Variants in DMD observed in about 807,000 individuals in gnomAD.
DMD encodes mutant dystrophin.
DMD carries 63 observed loss-of-function variants against 330.1 expected under a neutral mutation model. That is an observed-to-expected ratio of 0.19 (90% CI 0.16 to 0.24). The LOEUF (loss-of-function observed/expected upper bound fraction) is 0.24. Among genes scored for constraint, DMD ranks in the 10% least tolerant of loss-of-function variants. The pLI, the probability that DMD is intolerant of heterozygous loss-of-function variation, is 1.00. For synonymous variants in DMD, 1,223 were observed against 959.8 expected (o/e 1.27, Z -5.07); for missense variants, 3,344 against 2,684.1 (o/e 1.25, Z -5.43).
At chrX:32,127,993 G>T (rs918265025) in intron 44 of DMD, among the ~76,000 whole-genome samples, 2 of 111,948 alleles carry the variant, frequency 1.8e-5, no homozygotes, top group Admixed American at 1.9e-4. Context: ...ATGAAACAAA[G>T]ACCATCCATT....
chrX:31,588,851 T>A (rs1200558105), intron 55 of DMD, among the ~76,000 whole-genome samples: 1 of 105,754 alleles, frequency 9.5e-6, no homozygotes, highest in African/African-American at 3.5e-5. Context: ...TATTAATCCA[T>A]TACTAGATAG....
At chrX:32,827,760 C>T (rs953816199) in intron 4 of DMD, among the ~76,000 whole-genome samples, 1 of 107,858 alleles carries the variant, frequency 9.3e-6, no homozygotes, top group African/African-American at 3.4e-5. Context: ...TCCCGAGTTT[C>T]AAGCGATTCT....
At chrX:31,529,797 T>G (rs1447912623) in intron 55 of DMD, among the ~76,000 whole-genome samples, 1 of 110,666 alleles carries the variant, frequency 9.0e-6, no homozygotes. Context: ...AAAATGCCCT[T>G]CAAAGAAAAC....
chrX:31,864,616 G>C (rs2093767851), intron 48 of DMD, among the ~76,000 whole-genome samples: 1 of 106,176 alleles, frequency 9.4e-6, no homozygotes. Flanking sequence ...CAGCCTCCCA[G>C]GTAGCTGGGA....
chrX:32,686,519 A>G (rs2147402701), intron 9 of DMD, among the ~76,000 whole-genome samples: 1 of 96,696 alleles, frequency 1.0e-5, no homozygotes, highest in Non-Finnish European at 2.0e-5. Flanking sequence ...AGATCGTGCC[A>G]GTGCACTTCA....
intron 11 of DMD, among the ~76,000 whole-genome samples, chrX:32,638,008 G>T (rs1475334276): frequency 8.9e-6 from 1 of 111,852 alleles, no homozygotes; most frequent in African/African-American, 3.3e-5. Flanking sequence ...CACATGCATT[G>T]TATTATTAGT....
At chrX:32,671,840 G>A (rs1397877202) in intron 9 of DMD, among the ~76,000 whole-genome samples, 3 of 111,652 alleles carry the variant, frequency 2.7e-5, no homozygotes, top group Non-Finnish European at 5.7e-5. Context: ...AACTATGAAA[G>A]TAGATGCATA....
chrX:33,333,535 T>C (rs1397711879), intron 1 of DMD, among the ~76,000 whole-genome samples: 2 of 110,847 alleles, frequency 1.8e-5, no homozygotes, highest in South Asian at 3.8e-4. Flanking sequence ...AAGAATCCTA[T>C]GGGTTTTACA....
chrX:31,537,918 T>C (rs1317506946), intron 55 of DMD, among the ~76,000 whole-genome samples: 1 of 112,378 alleles, frequency 8.9e-6, no homozygotes, highest in African/African-American at 3.2e-5. Context: ...ATTTCAGGTT[T>C]TGGAATATTT....
chrX:31,450,664 T>A (rs2065651152), intron 59 of DMD, among the ~76,000 whole-genome samples: 1 of 111,651 alleles, frequency 9.0e-6, no homozygotes. Flanking sequence ...AGAAGCAGAG[T>A]CTGAGTGCTC....
rs1335172364 is a variant in DMD, at chrX:33,009,249, TATATGTGTATGTGTGTATATATACAC to T, written c.93+10864_93+10889del. 2.1e-4 allele frequency among the ~76,000 whole-genome samples: 14 copies of T among 67,233 alleles called. 2 individuals are homozygous for T. Among genetic ancestry groups the T allele is most frequent in the East Asian group, 2.0e-3 (4 of 2,013 alleles). 58.4% of individuals were successfully genotyped at this position (67,233 alleles called of 115,157 possible). ...ATATGTGTATATATACACATGTGCATATATGTGTATGTGTGTATATATACACATATGTGTATGTGTGTATATGTGTA... is the reference window on the plus strand; with the variant it reads ...ATATGTGTATATATACACATGTGCATATATGTGTATGTGTGTATATGTGTA... On this transcript the variant is annotated intron_variant, in intron 2 of 78. Transcript: ENST00000357033.
At chrX:32,883,817 C>G (rs1358597621) in intron 2 of DMD, among the ~76,000 whole-genome samples, 2 of 47,270 alleles carry the variant, frequency 4.2e-5, no homozygotes, top group Non-Finnish European at 6.5e-5. Flanking sequence ...GAGCAAGACT[C>G]TGTTTCAAAA....
At chrX:31,226,686 T>C (rs1466177134) in intron 63 of DMD, among the ~76,000 whole-genome samples, 1 of 111,233 alleles carries the variant, frequency 9.0e-6, no homozygotes, top group Non-Finnish European at 1.9e-5. Context: ...TGAATTGTCT[T>C]GCGGCATCAA....
At chrX:31,921,393 C>G (rs2094687990) in intron 47 of DMD, among the ~76,000 whole-genome samples, 1 of 111,492 alleles carries the variant, frequency 9.0e-6, no homozygotes, top group South Asian at 3.7e-4. Flanking sequence ...AATAGGAGAG[C>G]AGTGGCTGAA....
intron 41 of DMD, among the ~76,000 whole-genome samples, chrX:32,317,674 A>T (rs2097587669): frequency 9.0e-6 from 1 of 111,459 alleles, no homozygotes; most frequent in Admixed American, 9.6e-5. Flanking sequence ...AGGTCAAAGA[A>T]ACTCAAGAAG....
At chrX:32,135,688 C>G (rs183663217) in intron 44 of DMD, among the ~76,000 whole-genome samples, 1 of 112,588 alleles carries the variant, frequency 8.9e-6, no homozygotes, top group Non-Finnish European at 1.9e-5. Context: ...CCACTGCACT[C>G]AAGCCTGGGC....
chrX:33,074,429 T>C (rs1409118), intron 1 of DMD, among the ~76,000 whole-genome samples: 7,755 of 106,605 alleles, frequency 0.073, 726 homozygotes, highest in African/African-American at 0.25. Context: ...TTTTTTTTTG[T>C]CTTTTAGCAT....
chrX:32,890,412 A>T (rs778105183), intron 2 of DMD, among the ~76,000 whole-genome samples: 1 of 94,210 alleles, frequency 1.1e-5, no homozygotes, highest in South Asian at 5.4e-4. Context: ...GTCTATTGAC[A>T]GGAGCTGTAG....
intron 76 of DMD, among the ~76,000 whole-genome samples, chrX:31,139,873 A>C (rs1231255750): frequency 8.9e-6 from 1 of 111,864 alleles, no homozygotes; most frequent in Non-Finnish European, 1.9e-5. Flanking sequence ...AAAAGAGAAA[A>C]ATAATGTTTT....
Sources: allele counts gnomAD v4.1 joint callset (sites outside exome capture counted in the v4.1 genomes callset), GRCh38; gene constraint gnomAD v4.1.1; transcripts MANE v1.5; gene names NCBI Gene and HGNC (gene_info 2026-07-23, HGNC 2026-07-21).